SIK2: variants seen among roughly 807,000 people sequenced by gnomAD.
SIK2 encodes salt inducible kinase 2.
In SIK2, 29 loss-of-function variants were observed where a neutral mutation model predicts 103.2. That is an observed-to-expected ratio of 0.28 (90% confidence interval 0.21 to 0.38). SIK2 has a LOEUF of 0.38. SIK2 is among the 10% of genes least tolerant of loss of function. The probability of loss-of-function intolerance (pLI) is 1.00; values close to 1 mark genes in which losing one functional copy is unlikely to be tolerated. For missense variants in SIK2, 879 were observed against 1,171.0 expected, an observed-to-expected ratio of 0.75 and a Z score of 3.64; for synonymous variants, 412 against 446.1, an observed-to-expected ratio of 0.92 and a Z score of 0.96.
intron 3 of SIK2, among the ~76,000 whole-genome samples, chr11:111,653,197 C>T (rs547160942): frequency 6.6e-6 from 1 of 152,248 alleles, no homozygotes; most frequent in Non-Finnish European, 1.5e-5. Context: ...GAGAGGAAGC[C>T]ATCCAACAGT....
In SIK2 at chr11:111,729,985, GCCA is replaced by G. The variant is rs1944130073; in HGVS notation, c.*5861_*5863del. ...AAGGGGCCGCATCGCACGGCATCAGGCCACCACTGCAGGCCAGCAGATTCCACC... is the reference window on the plus strand; with the variant it reads ...AAGGGGCCGCATCGCACGGCATCAGGCCACTGCAGGCCAGCAGATTCCACC... On this transcript the variant is annotated 3_prime_UTR_variant, in exon 15 of 15. Transcript: ENST00000304987. 6.8e-6 allele frequency: 1 copy of G among 146,176 alleles called. No individual in the cohort carries two copies. Among genetic ancestry groups the G allele is most frequent in the Admixed American group, 6.7e-5 (1 of 15,034 alleles). 9.1% of individuals were successfully genotyped at this position (146,176 alleles called of 1,614,324 possible).
At chr11:111,665,307 A>G (rs1376773664) in intron 3 of SIK2, among the ~76,000 whole-genome samples, 2 of 151,650 alleles carry the variant, frequency 1.3e-5, no homozygotes, top group African/African-American at 4.8e-5. Flanking sequence ...CACACACACT[A>G]GCCGGGTGTG....
At chr11:111,618,955 C>A (rs367751939) in intron 2 of SIK2, among the ~76,000 whole-genome samples, 1 of 152,104 alleles carries the variant, frequency 6.6e-6, no homozygotes, top group Non-Finnish European at 1.5e-5. Context: ...AGGCTGTTCT[C>A]AAACTTCTGG....
intron 3 of SIK2, among the ~76,000 whole-genome samples, chr11:111,665,786 A>T (rs1201930888): frequency 6.6e-6 from 1 of 151,884 alleles, no homozygotes; most frequent in East Asian, 1.9e-4. Context: ...AGATTGTGCC[A>T]TTGCACTCCA....
At chr11:111,654,188 A>G (rs1395029486) in intron 3 of SIK2, among the ~76,000 whole-genome samples, 2 of 152,240 alleles carry the variant, frequency 1.3e-5, no homozygotes, top group Non-Finnish European at 2.9e-5. Flanking sequence ...AAATAAGTGC[A>G]TCTGAAGGGG....
chr11:111,668,018 A>G (rs1344309842), intron 3 of SIK2, among the ~76,000 whole-genome samples: 1 of 152,196 alleles, frequency 6.6e-6, no homozygotes. Flanking sequence ...AGTCCTACCC[A>G]GACAGGAGTC....
intron 9 of SIK2, among the ~76,000 whole-genome samples, chr11:111,714,422 T>G (rs1298451897): frequency 6.6e-6 from 1 of 152,172 alleles, no homozygotes; most frequent in East Asian, 1.9e-4. Flanking sequence ...GCAAGGAAGC[T>G]CTGGGATCCA....
chr11:111,641,202 T>A (rs895726034), intron 3 of SIK2, among the ~76,000 whole-genome samples: 5 of 152,032 alleles, frequency 3.3e-5, no homozygotes, highest in Admixed American at 3.3e-4. Context: ...AGAGAAGGAG[T>A]TCTATGCATT....
At chr11:111,672,201 C>T (rs531807824) in intron 3 of SIK2, 543 of 399,952 alleles carry the variant, frequency 1.4e-3, no homozygotes, top group African/African-American at 1.0e-2. Flanking sequence ...CTGTGATGCC[C>T]CCCCATACCA....
intron 7 of SIK2, among the ~76,000 whole-genome samples, chr11:111,704,322 T>TA (rs1943289538): frequency 6.6e-6 from 1 of 152,204 alleles, no homozygotes; most frequent in African/African-American, 2.4e-5. Flanking sequence ...CAGGTGGAAT[T>TA]AGAACCCAAA....
intron 4 of SIK2, among the ~76,000 whole-genome samples, chr11:111,700,395 G>A (rs989606252): frequency 1.3e-5 from 2 of 151,774 alleles, no homozygotes; most frequent in Non-Finnish European, 2.9e-5. Context: ...TTGTTACTTA[G>A]GAAACACTGC....
At position 111,721,950 on chromosome 11, in the gene SIK2, TCTC is replaced by T. The variant is rs749218575; in HGVS notation, c.2055+13_2055+15del. The stretch of plus-strand genomic sequence containing the variant: ...GCAGCACAGACTCCAGGTGGGTCCT[TCTC>T]CTTGCGAGTCCACCTCACTCTGCTC... On this transcript the variant is annotated intron_variant, in intron 13 of 14. Transcript: ENST00000304987. 6.4e-5 allele frequency: 100 copies of T among 1,568,828 alleles called. 1 individual carries two copies. The highest frequency in any genetic ancestry group is 8.2e-5 in the Non-Finnish European group (95 of 1,158,958).
chr11:111,624,107 A>G (rs996562539), intron 3 of SIK2, among the ~76,000 whole-genome samples: 3 of 152,238 alleles, frequency 2.0e-5, no homozygotes, highest in African/African-American at 2.4e-5. Flanking sequence ...GGACAAATCT[A>G]TCTTAGCCAA....
rs1366793707 is a variant in SIK2 at position 111,721,052 on chromosome 11, G to T, written c.1934G>T (p.Ser645Ile). ...AAPQLQDLASSCPQEEVSQQQ... is the reference protein window; with the variant it reads ...AAPQLQDLASICPQEEVSQQQ... The stretch of plus-strand genomic sequence containing the variant: ...CCTCAGCTCCAGGACCTTGCTAGCA[G>T]CTGCCCTCAGGTGGGTACCTTGGGC... The change falls in exon 12 of 15, where the codon AGC becomes ATC. Residue 645 changes from serine to isoleucine, a missense_variant. Ser to Ile is a moderately radical substitution (Grantham distance 142, BLOSUM62 -2). Around this residue, in one of 7 missense-constraint regions of SIK2, gnomAD observed 375 missense variants for 416.3 expected, o/e 0.90. Transcript: ENST00000304987. 6.2e-7 allele frequency: 1 copy of T among 1,613,248 alleles called. No individual in the cohort carries two copies. Among genetic ancestry groups the T allele is most frequent in the African/African-American group, 1.3e-5 (1 of 74,872 alleles).
chr11:111,689,352 T>C (rs554447079), intron 4 of SIK2, among the ~76,000 whole-genome samples: 7 of 152,276 alleles, frequency 4.6e-5, no homozygotes, highest in African/African-American at 1.4e-4. Flanking sequence ...GTCAGAAATA[T>C]GTCTCTGGCA....
intron 3 of SIK2, among the ~76,000 whole-genome samples, chr11:111,677,491 C>T (rs544903020): frequency 6.6e-6 from 1 of 152,086 alleles, no homozygotes; most frequent in Non-Finnish European, 1.5e-5. Flanking sequence ...GGTCTCAGCT[C>T]ACTGCAACCT....
At chr11:111,714,415 AG>A (rs1943582140) in intron 9 of SIK2, among the ~76,000 whole-genome samples, 1 of 152,222 alleles carries the variant, frequency 6.6e-6, no homozygotes, top group Admixed American at 6.5e-5. Flanking sequence ...TATTTGAGCA[AG>A]GAAGCTCTGG....
At chr11:111,663,384 C>T (rs769123796) in intron 3 of SIK2, among the ~76,000 whole-genome samples, 10 of 152,010 alleles carry the variant, frequency 6.6e-5, no homozygotes, top group Non-Finnish European at 1.3e-4. Context: ...AACAGCCAGA[C>T]GAAGGCCTTG....
intron 6 of SIK2, among the ~76,000 whole-genome samples, chr11:111,702,640 A>AGGTT (rs1441108263): frequency 1.3e-5 from 2 of 152,180 alleles, no homozygotes; most frequent in African/African-American, 4.8e-5. Context: ...TAGTGACAGG[A>AGGTT]GGTTACCTTA....
Sources: gnomAD v4.1 joint callset for allele counts (sites outside exome capture counted in the v4.1 genomes callset) on GRCh38, gnomAD v4.1.1 for gene constraint, gnomAD v4.1.1 regional missense constraint, MANE v1.5 for transcripts, NCBI Gene and HGNC (gene_info 2026-07-23, HGNC 2026-07-21) for gene names.